The following HTT variants were observed in gnomAD, a reference collection of about 807,000 sequenced individuals.
HTT encodes huntington disease protein.
A neutral mutation model predicts 362.3 loss-of-function variants in HTT; 104 were observed. That is an observed-to-expected ratio of 0.29 (90% CI 0.24 to 0.34). The LOEUF is 0.34. HTT is among the 10% of genes least tolerant of loss of function. The pLI, the probability that HTT is intolerant of heterozygous loss-of-function variation, is 1.00. For synonymous variants in HTT, 1,577 were observed against 1,548.7 expected (o/e 1.02, Z -0.43); for missense variants, 3,301 against 3,928.6 (o/e 0.84, Z 4.27).
chr4:3,097,093 T>C (rs975652016), intron 2 of HTT, among the ~76,000 whole-genome samples: 14 of 152,284 alleles, frequency 9.2e-5, no homozygotes, highest in African/African-American at 2.6e-4. Context: ...TGTTCCATCC[T>C]GGGCAACAGA....
At chr4:3,176,833 A>G (rs775331593) in intron 33 of HTT, among the ~76,000 whole-genome samples, 10 of 152,230 alleles carry the variant, frequency 6.6e-5, no homozygotes, top group Non-Finnish European at 1.5e-4. Flanking sequence ...ACCAGGCCAT[A>G]TGCTCCATGC....
intron 19 of HTT, among the ~76,000 whole-genome samples, chr4:3,135,605 C>A (rs770992789): frequency 2.0e-5 from 3 of 152,126 alleles, no homozygotes; most frequent in Non-Finnish European, 4.4e-5. Flanking sequence ...ATGGAGGGCC[C>A]AGCTCACCCC....
intron 25 of HTT, among the ~76,000 whole-genome samples, chr4:3,147,430 T>C (rs1012637642): frequency 2.6e-5 from 4 of 152,068 alleles, no homozygotes; most frequent in African/African-American, 9.7e-5. Flanking sequence ...GCGATGATAA[T>C]GGAGGATGTG....
intron 5 of HTT, 96 bp downstream of exon 5, chr4:3,105,532 G>C: frequency 2.4e-6 from 2 of 850,880 alleles, no homozygotes; most frequent in Non-Finnish European, 4.0e-6. Flanking sequence ...AGTCTGCTCT[G>C]CCCTCTCCAA....
intron 18 of HTT, among the ~76,000 whole-genome samples, chr4:3,133,444 C>T (rs1055334705): frequency 2.0e-5 from 3 of 149,066 alleles, no homozygotes; most frequent in Non-Finnish European, 3.0e-5. Context: ...TGCAGTAAGG[C>T]GTGGTTACAC....
intron 54 of HTT, 51 bp from the exon 55 acceptor site, chr4:3,223,355 G>T: frequency 6.6e-7 from 1 of 1,508,796 alleles, no homozygotes; most frequent in Non-Finnish European, 8.9e-7. Context: ...GCAGGCAGAG[G>T]TGGTTGTGGG....
chr4:3,178,258 A>G (rs1337359491), intron 34 of HTT, 40 bp from the exon 35 acceptor site: 1 of 1,460,522 alleles, frequency 6.8e-7, no homozygotes, highest in Non-Finnish European at 9.5e-7. Context: ...ATGTATCTTA[A>G]TTTTAAAAGA....
At position 3,124,913 on chromosome 4, in the gene HTT, A is replaced by G. The variant is rs985832200; in HGVS notation, c.1322-636A>G. 3.3e-5 allele frequency among the ~76,000 whole-genome samples: 5 copies of G among 152,222 alleles called. No homozygotes were observed. In the East Asian group the frequency reaches 9.6e-4, roughly 29 times the overall value. Reference sequence around the variant, plus strand: ...GACACTCACATGTGATGTAGCCACAAAGATTTAATGAGTTCAGTTTTAAAT... The same window carrying G: ...GACACTCACATGTGATGTAGCCACAGAGATTTAATGAGTTCAGTTTTAAAT... On this transcript the variant is annotated intron_variant, in intron 10 of 66. Coordinates refer to ENST00000355072, the MANE Select transcript of HTT (RefSeq NM_001388492.1).
In HTT at chr4:3,122,993, CTGTAA is replaced by C; in HGVS notation, c.1321+67_1321+71del. 8.8e-6 allele frequency: 12 copies of C among 1,370,694 alleles called. No homozygotes were observed. The South Asian group carries it at 1.2e-4, about 14-fold the overall frequency. The allele number at this position is 1,370,694 out of a possible 1,614,324, so 84.9% of individuals were successfully genotyped here. A position where few individuals can be genotyped will look rare whatever the true frequency, so the allele number is the denominator to read the frequency against. ...GAATCTTACTGATTTTCTTGTATTT[CTGTAA>C]TGTAATGTATCTTGTATTTCTTGTA... On this transcript the variant is annotated intron_variant, in intron 10 of 66. Coordinates refer to ENST00000355072, the MANE Select transcript of HTT (RefSeq NM_001388492.1).
chr4:3,103,690 T>C (rs945402472), intron 3 of HTT, 134 bp from the exon 4 acceptor site: 2 of 631,220 alleles, frequency 3.2e-6, no homozygotes, highest in Non-Finnish European at 5.7e-6. Context: ...CTTTCATTCT[T>C]AATGAATATA....
At chr4:3,163,997 A>G (rs1044549831) in intron 29 of HTT, among the ~76,000 whole-genome samples, 1 of 151,164 alleles carries the variant, frequency 6.6e-6, no homozygotes, top group African/African-American at 2.4e-5. Context: ...TTGCTTTTCT[A>G]GTTCTTTTAA....
intron 19 of HTT, 91 bp downstream of exon 19, chr4:3,134,631 C>T: frequency 8.6e-7 from 1 of 1,156,878 alleles, no homozygotes; most frequent in Non-Finnish European, 1.2e-6. Flanking sequence ...TATCAAGTAC[C>T]CTGTCCATCA....
intron 56 of HTT, 120 bp from the exon 57 acceptor site, chr4:3,225,541 C>A: frequency 1.3e-6 from 1 of 751,230 alleles, no homozygotes; most frequent in Non-Finnish European, 2.2e-6. Flanking sequence ...CTGCCAGTGG[C>A]GGCGAGGGCA....
At chr4:3,230,096 G>T in intron 60 of HTT, 54 bp downstream of exon 60, 8 of 1,512,616 alleles carry the variant, frequency 5.3e-6, no homozygotes, top group East Asian at 2.3e-5. Context: ...GGGCCCATCT[G>T]CCTTGGGACC....
intron 6 of HTT, among the ~76,000 whole-genome samples, chr4:3,109,870 C>T (rs534005113): frequency 1.3e-5 from 2 of 152,176 alleles, no homozygotes; most frequent in South Asian, 4.2e-4. Context: ...TCTAGGTGAC[C>T]CAGTGCTGGG....
chr4:3,238,327 C>T (rs1482149099), intron 64 of HTT, 120 bp from the exon 65 acceptor site: 1 of 661,842 alleles, frequency 1.5e-6, no homozygotes, highest in Non-Finnish European at 2.4e-6. Flanking sequence ...GGCCGAGGGT[C>T]CCTCCCAGCC....
chr4:3,169,862 C>G (rs997601659), intron 29 of HTT, among the ~76,000 whole-genome samples: 1 of 152,238 alleles, frequency 6.6e-6, no homozygotes, highest in African/African-American at 2.4e-5. Flanking sequence ...GCATGAGCCA[C>G]CGTGTCTGGC....
At chr4:3,238,649 T>C in intron 65 of HTT, 40 bp downstream of exon 65, 2 of 1,560,754 alleles carry the variant, frequency 1.3e-6, no homozygotes, top group Non-Finnish European at 1.7e-6. Context: ...TGGGAAAGCC[T>C]GGAGGTGGAG....
intron 60 of HTT, among the ~76,000 whole-genome samples, chr4:3,231,718 C>G: frequency 6.6e-6 from 1 of 152,164 alleles, no homozygotes; most frequent in Non-Finnish European, 1.5e-5. Flanking sequence ...CGAACACCCT[C>G]TGGGTGTTGC....
Sources: allele counts gnomAD v4.1 joint callset (sites outside exome capture counted in the v4.1 genomes callset), GRCh38; gene constraint gnomAD v4.1.1; transcripts MANE v1.5; gene names NCBI Gene and HGNC (gene_info 2026-07-23, HGNC 2026-07-21).